Variants in XKR9 observed in about 807,000 individuals in gnomAD.
XKR9 encodes XK related 9.
A neutral mutation model predicts 32.0 loss-of-function variants in XKR9; 32 were observed. The ratio of observed to expected loss-of-function variants is 1.00; its 90% CI spans 0.76 to 1.34. The LOEUF (loss-of-function observed/expected upper bound fraction) is 1.34. Among genes scored for constraint, XKR9 ranks in the 40% most tolerant of loss-of-function variants. The pLI, the probability that XKR9 is intolerant of heterozygous loss-of-function variation, is 0.00. For missense variants in XKR9, 546 were observed against 429.7 expected (o/e 1.27, Z -2.39); for synonymous variants, 168 against 143.4 (o/e 1.17, Z -1.22).
At chr8:70,687,333 T>TC (rs1292528352) in intron 3 of XKR9, among the ~76,000 whole-genome samples, 1 of 148,688 alleles carries the variant, frequency 6.7e-6, no homozygotes, top group African/African-American at 2.5e-5. Context: ...TTTCTTTCTT[T>TC]CTTTCTTTCT....
At chr8:70,922,978 C>G in the XKR9 span, among the ~76,000 whole-genome samples, 2 of 152,236 alleles carry the variant, frequency 1.3e-5, no homozygotes, top group Non-Finnish European at 2.9e-5. Flanking sequence ...AAAGCAATCC[C>G]TGTAGCTTGC....
the XKR9 span, among the ~76,000 whole-genome samples, chr8:70,915,210 C>T: frequency 6.6e-6 from 1 of 151,954 alleles, no homozygotes; most frequent in African/African-American, 2.4e-5. Context: ...TTAGGTTTTA[C>T]AATAGTGATG....
chr8:70,802,257 T>C, the XKR9 span, among the ~76,000 whole-genome samples: 2 of 152,182 alleles, frequency 1.3e-5, no homozygotes, highest in South Asian at 4.1e-4. Context: ...TTTCGATCAT[T>C]GCTGGTTTAA....
the XKR9 span, among the ~76,000 whole-genome samples, chr8:70,805,179 G>C: frequency 6.6e-6 from 1 of 152,178 alleles, no homozygotes; most frequent in Non-Finnish European, 1.5e-5. Flanking sequence ...AGCCACACAG[G>C]GCAGGGGAAT....
At position 70,706,953 on chromosome 8, in the gene XKR9, G is replaced by T. The variant is rs984878548; in HGVS notation, c.293G>T (p.Arg98Met). The T allele has an allele frequency of 3.7e-6, 6 of 1,612,264 alleles. No homozygotes were observed. The highest frequency in any genetic ancestry group is 1.3e-5 in the African/African-American group (1 of 74,988). ...TATAGGTATTGGTTTGCCTTAAAAAGGGGTTACCATGCAGCTTTTAAATAT... is the reference window on the plus strand; with the variant it reads ...TATAGGTATTGGTTTGCCTTAAAAATGGGTTACCATGCAGCTTTTAAATAT... ...VFTRYWFALKRGYHAAFKYDS... is the reference protein window; with the variant it reads ...VFTRYWFALKMGYHAAFKYDS... Residue 98 changes from arginine to methionine, a missense_variant, in exon 4 of 5, where the codon AGG becomes ATG. Physicochemically the swap from Arg to Met is moderately conservative, Grantham distance 91 (BLOSUM62 -1). Coordinates refer to ENST00000408926, the MANE Select transcript of XKR9 (RefSeq NM_001011720.2).
rs1414565662 is a variant in XKR9 at position 70,754,395 on chromosome 8, A to C, written n.353-34944A>C. On this transcript the variant is annotated intron_variant and non_coding_transcript_variant, in intron 2 of 3. Coordinates refer to the XKR9 transcript ENST00000520273. Reference sequence around the variant, plus strand: ...CATCAAGCTACCAATGACTTTCTTCACAGAATTGGAAAAAACTACTTTAAA... The same window carrying C: ...CATCAAGCTACCAATGACTTTCTTCCCAGAATTGGAAAAAACTACTTTAAA... Among the ~76,000 whole-genome samples, 3 of 129,202 alleles carry C rather than the reference A, an allele frequency of 2.3e-5. 1 individual carries two copies. Among genetic ancestry groups the C allele is most frequent in the African/African-American group, 7.6e-5 (3 of 39,688 alleles). The allele number at this position is 129,202 out of a possible 152,430, so 84.8% of individuals were successfully genotyped here.
chr8:70,703,473 T>C (rs1805608927), intron 3 of XKR9, among the ~76,000 whole-genome samples: 1 of 152,144 alleles, frequency 6.6e-6, no homozygotes, highest in African/African-American at 2.4e-5. Flanking sequence ...GTGGTGTTCT[T>C]ACATGGTGGA....
chr8:70,714,441 T>C (rs1265898928), intron 4 of XKR9, among the ~76,000 whole-genome samples: 4 of 150,568 alleles, frequency 2.7e-5, no homozygotes, highest in African/African-American at 9.7e-5. Flanking sequence ...TTTGTGGCTT[T>C]GTACTCTCTG....
the XKR9 span, among the ~76,000 whole-genome samples, chr8:71,000,732 T>C: frequency 6.6e-6 from 1 of 152,166 alleles, no homozygotes; most frequent in African/African-American, 2.4e-5. Flanking sequence ...TTTGTGTACC[T>C]TTCTGGTGTT....
chr8:70,769,369 A>AT (rs1807422179), intron 2 of XKR9, among the ~76,000 whole-genome samples: 1 of 150,520 alleles, frequency 6.6e-6, no homozygotes, highest in South Asian at 2.1e-4. Context: ...TGCCCTTAAC[A>AT]TTTTTTTCTT....
chr8:70,794,612 G>T (rs1384006459), downstream of XKR9, among the ~76,000 whole-genome samples: 1 of 152,044 alleles, frequency 6.6e-6, no homozygotes, highest in East Asian at 1.9e-4. Context: ...ATGAGTGTGT[G>T]TAGTTTTAAA....
chr8:70,953,398 A>G, the XKR9 span, among the ~76,000 whole-genome samples: 1 of 152,120 alleles, frequency 6.6e-6, no homozygotes, highest in African/African-American at 2.4e-5. Flanking sequence ...TGTAGCCTCA[A>G]CCTCCTGTGC....
At position 70,729,864 on chromosome 8, in the gene XKR9, T is replaced by C. The variant is rs778080007; in HGVS notation, c.494-3932T>C. Among the ~76,000 whole-genome samples the C allele has an allele frequency of 2.0e-5, 3 of 152,334 alleles. No individual in the cohort carries two copies. The South Asian group carries it at 6.2e-4, about 32-fold the overall frequency. On this transcript the variant is annotated intron_variant, in intron 4 of 4. Transcript: ENST00000408926. The stretch of plus-strand genomic sequence containing the variant: ...GATAGTGCTTCCTGTATGATTTTTA[T>C]ACCAGATAAGCCAACACATCATTTT...
At chr8:70,990,769 A>AAAG in the XKR9 span, among the ~76,000 whole-genome samples, 4 of 103,948 alleles carry the variant, frequency 3.8e-5, no homozygotes, top group African/African-American at 1.1e-4. Context: ...GAGAGAGAGA[A>AAAG]AGAGAGAGAG....
At chr8:70,692,411 T>C (rs1020297551) in intron 3 of XKR9, among the ~76,000 whole-genome samples, 14 of 151,946 alleles carry the variant, frequency 9.2e-5, no homozygotes, top group African/African-American at 3.1e-4. Flanking sequence ...CCTTTGTTTT[T>C]TTTTCTCTTG....
At chr8:70,969,885 C>T in the XKR9 span, among the ~76,000 whole-genome samples, 17 of 152,198 alleles carry the variant, frequency 1.1e-4, no homozygotes, top group African/African-American at 4.1e-4. Flanking sequence ...AGTGTGTAGT[C>T]TTTTATCCCT....
the XKR9 span, among the ~76,000 whole-genome samples, chr8:71,040,811 G>C: frequency 6.6e-6 from 1 of 152,024 alleles, no homozygotes; most frequent in African/African-American, 2.4e-5. Context: ...CATTTAAATG[G>C]ATAGTTTATT....
the XKR9 span, among the ~76,000 whole-genome samples, chr8:71,001,976 G>A: frequency 6.6e-6 from 1 of 152,132 alleles, no homozygotes; most frequent in South Asian, 2.1e-4. Context: ...CCTTAAAAAG[G>A]TAGATTAGTT....
chr8:70,868,975 C>T, the XKR9 span, among the ~76,000 whole-genome samples: 7 of 152,182 alleles, frequency 4.6e-5, no homozygotes, highest in African/African-American at 1.7e-4. Flanking sequence ...CAAAATGCCA[C>T]CAGTCTCTTT....
Sources: allele counts gnomAD v4.1 joint callset (sites outside exome capture counted in the v4.1 genomes callset), GRCh38; gene constraint gnomAD v4.1.1; transcripts MANE v1.5; gene names NCBI Gene and HGNC (gene_info 2026-07-23, HGNC 2026-07-21).